The following SKAP2 variants were observed in gnomAD, a reference collection of about 807,000 sequenced individuals.
The protein encoded by SKAP2 is src kinase associated phosphoprotein 2.
Under a neutral mutation model 54.9 loss-of-function variants are expected in SKAP2, and 28 were observed. That is an observed-to-expected ratio of 0.51 (90% CI 0.38 to 0.70). SKAP2 has a LOEUF of 0.70. SKAP2 is among the 30% of genes least tolerant of loss of function. The pLI is 0.00. For synonymous variants in SKAP2, 137 were observed against 134.3 expected, an observed-to-expected ratio of 1.02 and a Z score of -0.14; for missense variants, 356 against 424.1, an observed-to-expected ratio of 0.84 and a Z score of 1.41.
At position 26,725,490 on chromosome 7, in the gene SKAP2, G is replaced by A; in HGVS notation, c.734C>T (p.Pro245Leu). ...ELYDDVDHPLPISNPLTSSQP... is the reference protein window; with the variant it reads ...ELYDDVDHPLLISNPLTSSQP... Reference sequence around the variant, plus strand: ...ACTGCTTGTTAGTGGATTGCTTATTGGTAGAGGATGATCAACATCATCATA... The same window carrying A: ...ACTGCTTGTTAGTGGATTGCTTATTAGTAGAGGATGATCAACATCATCATA... Residue 245 changes from proline to leucine, a missense_variant, in exon 9 of 13, where the codon CCA becomes CTA. Coordinates refer to ENST00000345317, the MANE Select transcript of SKAP2 (RefSeq NM_003930.5). 2 of 1,611,858 alleles carry A rather than the reference G, an allele frequency of 1.2e-6. No homozygotes were observed. The highest frequency in any genetic ancestry group is 1.7e-6 in the Non-Finnish European group (2 of 1,179,288).
chr7:26,688,900 G>A (rs1169053189), intron 10 of SKAP2, among the ~76,000 whole-genome samples: 1 of 152,254 alleles, frequency 6.6e-6, no homozygotes, highest in East Asian at 1.9e-4. Flanking sequence ...GAAGTTTCAT[G>A]ATACATAAAC....
rs140742047 is a variant in SKAP2 at position 26,667,608 on chromosome 7, T to G, written c.*2058A>C. 6.6e-6 allele frequency: 1 copy of G among 152,598 alleles called. No homozygotes were observed. 9.5% of individuals were successfully genotyped at this position (152,598 alleles called of 1,614,324 possible). A position where few individuals can be genotyped will look rare whatever the true frequency, so the allele number is the denominator to read the frequency against. ...GTCACTGTTCACGAGACTATCTGGC[T>G]TGGAACTGTTGGTCATCAGTTGGCA... On this transcript the variant is annotated 3_prime_UTR_variant, in exon 13 of 13. Coordinates refer to ENST00000345317, the MANE Select transcript of SKAP2 (RefSeq NM_003930.5).
chr7:26,714,493 T>C (rs1190039683), intron 9 of SKAP2, among the ~76,000 whole-genome samples: 1 of 152,224 alleles, frequency 6.6e-6, no homozygotes, highest in Non-Finnish European at 1.5e-5. Context: ...TTAAGTTAAA[T>C]TGGATTTTTT....
intron 6 of SKAP2, among the ~76,000 whole-genome samples, chr7:26,729,677 G>T (rs1211190077): frequency 6.6e-6 from 1 of 152,040 alleles, no homozygotes; most frequent in Non-Finnish European, 1.5e-5. Context: ...ACCTTGAAAA[G>T]CTCACTCAGC....
the SKAP2 span, among the ~76,000 whole-genome samples, chr7:26,660,855 C>T: frequency 1.3e-5 from 2 of 151,898 alleles, no homozygotes; most frequent in East Asian, 3.9e-4. Context: ...CACAAAGCAC[C>T]GTTTTAAAGA....
At chr7:26,826,275 C>A (rs867310295) in intron 4 of SKAP2, among the ~76,000 whole-genome samples, 5 of 152,268 alleles carry the variant, frequency 3.3e-5, no homozygotes, top group African/African-American at 1.2e-4. Flanking sequence ...GGGTGGTCAT[C>A]TTTGCCACAG....
chr7:26,717,605 C>T (rs1452743432), intron 9 of SKAP2, among the ~76,000 whole-genome samples: 1 of 137,526 alleles, frequency 7.3e-6, no homozygotes, highest in African/African-American at 2.6e-5. Context: ...GTGGGCGAAT[C>T]ACCTGAGGTC....
At chr7:26,854,020 A>G (rs1037422778) in intron 3 of SKAP2, 117 bp downstream of exon 3, 7 of 679,426 alleles carry the variant, frequency 1.0e-5, no homozygotes, top group African/African-American at 1.9e-5. Context: ...CTAAGTACAC[A>G]TTACGGAAAT....
At chr7:26,725,646 C>A in intron 8 of SKAP2, 81 bp from the exon 9 acceptor site, 1 of 1,261,122 alleles carries the variant, frequency 7.9e-7, no homozygotes, top group East Asian at 2.5e-5. Context: ...ATAAATGCAG[C>A]CCTACAAAGC....
intron 6 of SKAP2, among the ~76,000 whole-genome samples, chr7:26,732,368 T>C (rs1787840119): frequency 6.6e-6 from 1 of 152,208 alleles, no homozygotes; most frequent in Non-Finnish European, 1.5e-5. Context: ...CCAGCCCCCT[T>C]ACCTACCTTA....
intron 4 of SKAP2, among the ~76,000 whole-genome samples, chr7:26,756,105 AG>A (rs1446982403): frequency 1.3e-5 from 2 of 152,244 alleles, no homozygotes; most frequent in Non-Finnish European, 2.9e-5. Context: ...TAATGTAGAA[AG>A]ATGTCCACGA....
Position 26,702,477 on chromosome 7 carries a change from T to C in SKAP2, c.797-12115A>G, listed in dbSNP as rs560852588. ...CCGTATCTCAAGAAAGAAAAAGATA[T>C]GATGATAATGATTGTTTATTGCTCT... On this transcript the variant is annotated intron_variant, in intron 9 of 12. Coordinates refer to ENST00000345317, the MANE Select transcript of SKAP2 (RefSeq NM_003930.5). Among the ~76,000 whole-genome samples the C allele has an allele frequency of 2.0e-5, 3 of 152,234 alleles. No homozygotes were observed. The South Asian group carries it at 6.2e-4, about 32-fold the overall frequency.
At chr7:26,747,666 C>A (rs974583812) in intron 4 of SKAP2, among the ~76,000 whole-genome samples, 1 of 151,984 alleles carries the variant, frequency 6.6e-6, no homozygotes, top group Non-Finnish European at 1.5e-5. Flanking sequence ...TGAATATAAT[C>A]CAAAAGATTA....
intron 4 of SKAP2, among the ~76,000 whole-genome samples, chr7:26,803,885 C>T (rs1269177599): frequency 6.6e-6 from 1 of 152,156 alleles, no homozygotes; most frequent in Non-Finnish European, 1.5e-5. Flanking sequence ...ACAAACACTG[C>T]ATGTTCTCAC....
intron 1 of SKAP2, among the ~76,000 whole-genome samples, chr7:26,860,173 A>G (rs1484508707): frequency 6.6e-6 from 1 of 152,148 alleles, no homozygotes; most frequent in Admixed American, 6.5e-5. Flanking sequence ...AGCTATAAAA[A>G]CTGTACGTAG....
At chr7:26,857,382 T>C (rs899873010) in intron 1 of SKAP2, 1 of 780,316 alleles carries the variant, frequency 1.3e-6, no homozygotes, top group African/African-American at 1.9e-5. Flanking sequence ...TTGTTGACTG[T>C]CCACAACCAA....
chr7:26,722,652 A>C (rs528764716), intron 9 of SKAP2, among the ~76,000 whole-genome samples: 44 of 151,932 alleles, frequency 2.9e-4, no homozygotes, highest in Non-Finnish European at 5.0e-4. Context: ...CAAGTGATCC[A>C]CCTAACTCGG....
At chr7:26,852,339 C>T (rs976336326) in intron 3 of SKAP2, among the ~76,000 whole-genome samples, 1 of 152,144 alleles carries the variant, frequency 6.6e-6, no homozygotes, top group Non-Finnish European at 1.5e-5. Context: ...TAACAAAGTA[C>T]AGGAATAGTC....
At chr7:26,800,805 C>T (rs905333447) in intron 4 of SKAP2, among the ~76,000 whole-genome samples, 3 of 151,972 alleles carry the variant, frequency 2.0e-5, no homozygotes, top group Admixed American at 6.5e-5. Context: ...AGGAAGAAAT[C>T]CAAAACTGGA....
Sources: gnomAD v4.1 joint callset for allele counts (sites outside exome capture counted in the v4.1 genomes callset) on GRCh38, gnomAD v4.1.1 for gene constraint, MANE v1.5 for transcripts, NCBI Gene and HGNC (gene_info 2026-07-23, HGNC 2026-07-21) for gene names.